Variants in GGPS1 observed in about 807,000 individuals in gnomAD.
GGPS1 encodes geranylgeranyl pyrophosphate synthase.
A neutral mutation model predicts 28.1 loss-of-function variants in GGPS1; 15 were observed. The observed-to-expected ratio is 0.53, with a 90% CI of 0.36 to 0.82. GGPS1 has a LOEUF of 0.82. GGPS1 is among the 40% of genes least tolerant of loss of function. The pLI is 0.01. For missense variants in GGPS1, 284 were observed against 348.3 expected, an observed-to-expected ratio of 0.82 and a Z score of 1.47; for synonymous variants, 138 against 122.4, an observed-to-expected ratio of 1.13 and a Z score of -0.84.
Position 235,341,265 on chromosome 1 carries a change from T to C in GGPS1, c.71-443T>C, listed in dbSNP as rs1228409141. ...TCATGTGAACCCAGGAGGTGGAGTT[T>C]GCAGTGAGCCGAGATCACGCCACTG... On this transcript the variant is annotated intron_variant, in intron 2 of 3. Coordinates refer to ENST00000282841, the MANE Select transcript of GGPS1 (RefSeq NM_004837.4). Among the ~76,000 whole-genome samples the C allele has an allele frequency of 2.6e-5, 4 of 152,096 alleles. No individual in the cohort carries two copies. In the East Asian group the frequency reaches 7.7e-4, roughly 29 times the overall value.
At chr1:235,340,816 T>C (rs1315911342) in intron 2 of GGPS1, among the ~76,000 whole-genome samples, 2 of 150,358 alleles carry the variant, frequency 1.3e-5, no homozygotes, top group African/African-American at 2.4e-5. Context: ...AATAATGAGA[T>C]TAGCTTTTGA....
At chr1:235,332,289 T>C (rs1675739821) in intron 1 of GGPS1, among the ~76,000 whole-genome samples, 1 of 152,252 alleles carries the variant, frequency 6.6e-6, no homozygotes, top group African/African-American at 2.4e-5. Context: ...GTATACACAT[T>C]ATCTAGCTCC....
At chr1:235,338,902 A>C (rs1675944628) in intron 2 of GGPS1, among the ~76,000 whole-genome samples, 1 of 151,508 alleles carries the variant, frequency 6.6e-6, no homozygotes, top group Non-Finnish European at 1.5e-5. Context: ...GGTGGGTCAC[A>C]CCTGTAATCC....
Position 235,342,450 on chromosome 1 carries a change from A to T in GGPS1, c.581A>T (p.His194Leu). 6.2e-7 allele frequency: 1 copy of T among 1,612,832 alleles called. No homozygotes were observed. The highest frequency in any genetic ancestry group is 1.1e-5 in the South Asian group (1 of 91,050). ...FQIRDDYANL[H>L]SKEYSENKSF... Reference sequence around the variant, plus strand: ...ATTAGGGATGATTATGCTAATCTACACTCCAAAGAATATAGTGAAAACAAA... The same window carrying T: ...ATTAGGGATGATTATGCTAATCTACTCTCCAAAGAATATAGTGAAAACAAA... Residue 194 changes from histidine (H) to leucine (L), a missense_variant, in exon 4 of 4, where the codon CAC (histidine) becomes CTC (leucine). Physicochemically the swap from His to Leu is moderately conservative, Grantham distance 99. Coordinates refer to ENST00000282841, the MANE Select transcript of GGPS1 (RefSeq NM_004837.4).
Position 235,342,037 on chromosome 1 carries a change from G to A in GGPS1, c.168G>A (p.Leu56=). 3.1e-6 allele frequency: 5 copies of A among 1,592,534 alleles called. No individual in the cohort carries two copies. Among genetic ancestry groups the A allele is most frequent in the Non-Finnish European group, 4.3e-6 (5 of 1,168,982 alleles). The change falls in exon 4 of 4, where the codon TTG becomes TTA. Residue 56 remains leucine, a synonymous_variant. Coordinates refer to ENST00000282841, the MANE Select transcript of GGPS1 (RefSeq NM_004837.4). ...TTATTATTGAAGTGACAGAAATGTT[G>A]CATAATGCCAGTTTACTCATCGATG... ...LQIIIEVTEM[L]HNASLLIDDI... is the part of the protein sequence containing the mutation.
chr1:235,327,670 G>A (rs1268163536), upstream of GGPS1: 2 of 152,332 alleles, frequency 1.3e-5, no homozygotes, highest in Non-Finnish European at 2.9e-5. Context: ...GGCGCCGCAG[G>A]GACCACCACC....
At chr1:235,333,049 CAG>C (rs1269098820) in intron 1 of GGPS1, among the ~76,000 whole-genome samples, 127 of 114,622 alleles carry the variant, frequency 1.1e-3, no homozygotes, top group African/African-American at 4.3e-3. Flanking sequence ...GCCTGGGCGA[CAG>C]AGTGAGACTC....
At chr1:235,337,436 T>C (rs774573969) in intron 2 of GGPS1, among the ~76,000 whole-genome samples, 1 of 152,188 alleles carries the variant, frequency 6.6e-6, no homozygotes, top group Non-Finnish European at 1.5e-5. Context: ...AGTACGTTCT[T>C]GATCCATGAT....
chr1:235,328,612 G>C lies in GGPS1; in HGVS notation c.-190G>C, dbSNP rs1179410656. 1.3e-5 allele frequency: 2 copies of C among 153,214 alleles called. No homozygotes were observed. Among genetic ancestry groups the C allele is most frequent in the Non-Finnish European group, 1.5e-5 (1 of 68,416 alleles). 9.5% of individuals were successfully genotyped at this position (153,214 alleles called of 1,614,324 possible). A position where few individuals can be genotyped will look rare whatever the true frequency, so the allele number is the denominator to read the frequency against. ...GCATTTTCTTGCACCAACTAATGCGGTGTCGCTGGCGGCTGAGGAGGGCGG... is the reference window on the plus strand; with the variant it reads ...GCATTTTCTTGCACCAACTAATGCGCTGTCGCTGGCGGCTGAGGAGGGCGG... On this transcript the variant is annotated 5_prime_UTR_variant, in exon 1 of 4. Transcript: ENST00000282841.
chr1:235,336,389 C>CA (rs34560436), intron 2 of GGPS1, among the ~76,000 whole-genome samples: 1 of 150,708 alleles, frequency 6.6e-6, no homozygotes. Flanking sequence ...GACTCCGACT[C>CA]AAAAAAAAAG....
At position 235,342,933 on chromosome 1, in the gene GGPS1, G is replaced by A; in HGVS notation, c.*161G>A. 2.1e-6 allele frequency: 1 copy of A among 484,278 alleles called. No individual in the cohort carries two copies. Among genetic ancestry groups the A allele is most frequent in the East Asian group, 3.3e-5 (1 of 30,634 alleles). The allele number at this position is 484,278 out of a possible 1,614,324, so 30.0% of individuals were successfully genotyped here. ...TTCGTTTTCATTTAGAAGCCCCTCT[G>A]TACAGATAATCAAAATTCAAAGTTG... On this transcript the variant is annotated 3_prime_UTR_variant, in exon 4 of 4. Coordinates refer to ENST00000282841, the MANE Select transcript of GGPS1 (RefSeq NM_004837.4).
chr1:235,342,221 C>T lies in GGPS1; in HGVS notation c.352C>T (p.Gln118Ter). The T allele has an allele frequency of 1.2e-6, 2 of 1,613,888 alleles. No homozygotes were observed. The highest frequency in any genetic ancestry group is 1.7e-6 in the Non-Finnish European group (2 of 1,179,868). ...AGATGCAGTGAAGCTTTTTACCCGC[C>T]AGCTTTTGGAACTCCATCAGGGACA... ...HPDAVKLFTR[Q>*]LLELHQGQGL... is the part of the protein sequence containing the mutation. The change falls in exon 4 of 4, where the codon CAG becomes TAG. Residue 118 changes from glutamine (Q) to a stop codon, truncating the protein, a stop_gained. Coordinates refer to ENST00000282841, the MANE Select transcript of GGPS1 (RefSeq NM_004837.4). LOFTEE classifies it high-confidence loss of function.
Position 235,344,332 on chromosome 1 carries a change from G to A in GGPS1, c.*1560G>A, listed in dbSNP as rs948744529. 1 of 166,946 alleles carries A rather than the reference G, an allele frequency of 6.0e-6. No individual in the cohort carries two copies. Among genetic ancestry groups the A allele is most frequent in the African/African-American group, 2.4e-5 (1 of 41,406 alleles). The allele number at this position is 166,946 out of a possible 1,614,324, so 10.3% of individuals were successfully genotyped here. On this transcript the variant is annotated 3_prime_UTR_variant, in exon 4 of 4. Coordinates refer to ENST00000282841, the MANE Select transcript of GGPS1 (RefSeq NM_004837.4). Reference sequence around the variant, plus strand: ...AGCATTCAACCTAAATCTTTGAAAAGTTGGGTGCTGTCTTTAGTAACTTTT... The same window carrying A: ...AGCATTCAACCTAAATCTTTGAAAAATTGGGTGCTGTCTTTAGTAACTTTT...
rs955184255 is a variant in GGPS1, at chr1:235,343,909, TC to T, written c.*1140del. 2 of 166,964 alleles carry T rather than the reference TC, an allele frequency of 1.2e-5. No individual in the cohort carries two copies. The highest frequency in any genetic ancestry group is 4.8e-5 in the African/African-American group (2 of 41,394). The allele number at this position is 166,964 out of a possible 1,614,324, so 10.3% of individuals were successfully genotyped here. A position where few individuals can be genotyped will look rare whatever the true frequency, so the allele number is the denominator to read the frequency against. On this transcript the variant is annotated 3_prime_UTR_variant, in exon 4 of 4. Transcript: ENST00000282841. ...AAGCATGGAAAAATGCGCTTTTCCT[TC>T]CCGCCCACATCACCACCCCGACTTG...
chr1:235,341,098 T>C (rs1053021222), intron 2 of GGPS1, among the ~76,000 whole-genome samples: 5 of 152,058 alleles, frequency 3.3e-5, no homozygotes, highest in Non-Finnish European at 7.4e-5. Context: ...GGGAGGCCGA[T>C]GCGGGTGTAT....
At chr1:235,338,153 G>A (rs1025955048) in intron 2 of GGPS1, among the ~76,000 whole-genome samples, 2 of 152,068 alleles carry the variant, frequency 1.3e-5, no homozygotes, top group Admixed American at 6.6e-5. Context: ...GACCGAAGTG[G>A]GCAGATGGCT....
At position 235,333,394 on chromosome 1, in the gene GGPS1, C is replaced by T. The variant is rs562830274; in HGVS notation, c.-23-1848C>T. Among the ~76,000 whole-genome samples, 191 of 151,620 alleles carry T rather than the reference C, an allele frequency of 1.3e-3. 1 individual carries two copies. The highest frequency in any genetic ancestry group is 4.5e-3 in the African/African-American group (184 of 41,312). On this transcript the variant is annotated intron_variant, in intron 1 of 3. Coordinates refer to ENST00000282841, the MANE Select transcript of GGPS1 (RefSeq NM_004837.4). Reference sequence around the variant, plus strand: ...ACCAGCCTGGCCAACATAGTGAAACCCCATCTCTACTAAAAATTCAAAAAA... The same window carrying T: ...ACCAGCCTGGCCAACATAGTGAAACTCCATCTCTACTAAAAATTCAAAAAA...
At chr1:235,332,350 C>G (rs1402321353) in intron 1 of GGPS1, among the ~76,000 whole-genome samples, 3 of 152,186 alleles carry the variant, frequency 2.0e-5, no homozygotes, top group African/African-American at 7.2e-5. Context: ...TGACTTGTTA[C>G]ACTTAAGGTA....
At chr1:235,332,353 TTAAGG>T (rs1276622841) in intron 1 of GGPS1, among the ~76,000 whole-genome samples, 3 of 152,224 alleles carry the variant, frequency 2.0e-5, no homozygotes, top group East Asian at 1.9e-4. Flanking sequence ...CTTGTTACAC[TTAAGG>T]TAAGGGCTAT....
Sources: allele counts gnomAD v4.1 joint callset (sites outside exome capture counted in the v4.1 genomes callset), GRCh38; gene constraint gnomAD v4.1.1; transcripts MANE v1.5; gene names NCBI Gene and HGNC (gene_info 2026-07-23, HGNC 2026-07-21).